Variants in ZSCAN4 observed in about 807,000 individuals in gnomAD.
ZSCAN4 encodes zinc finger and SCAN domain-containing protein 4.
Under a neutral mutation model 18.3 loss-of-function variants are expected in ZSCAN4, and 18 were observed. The observed-to-expected ratio is 0.98, with a 90% CI of 0.68 to 1.46. The LOEUF (loss-of-function observed/expected upper bound fraction) is 1.46, where lower values mean the gene tolerates loss of function less well. ZSCAN4 is among the 40% of genes most tolerant of loss of function. The pLI, the probability that ZSCAN4 is intolerant of heterozygous loss-of-function variation, is 0.00. For synonymous variants in ZSCAN4, 193 were observed against 180.3 expected (o/e 1.07, Z -0.57); for missense variants, 498 against 511.4 (o/e 0.97, Z 0.25).
At chr19:57,676,305 A>G (rs1374154489) in exon 3 of ZSCAN4, 1 of 1,614,208 alleles carries the variant, frequency 6.2e-7, no homozygotes, top group South Asian at 1.1e-5. Context: ...TCAAGACAGC[A>G]ATAATTCATA....
chr19:57,672,835 C>A (rs993680276), intron 2 of ZSCAN4, among the ~76,000 whole-genome samples: 2 of 152,056 alleles, frequency 1.3e-5, no homozygotes, highest in Non-Finnish European at 2.9e-5. Flanking sequence ...CTCCTGGCCT[C>A]AAGCGATATG....
upstream of ZSCAN4, among the ~76,000 whole-genome samples, chr19:57,665,861 G>A (rs372494392): frequency 5.3e-5 from 8 of 152,234 alleles, no homozygotes; most frequent in Admixed American, 3.3e-4. Context: ...GTGGTAAACC[G>A]AGATCGTGCC....
At chr19:57,674,244 G>A (rs1416771127) in intron 2 of ZSCAN4, among the ~76,000 whole-genome samples, 1 of 152,104 alleles carries the variant, frequency 6.6e-6, no homozygotes, top group African/African-American at 2.4e-5. Context: ...CATATTGGTG[G>A]AAATTGGACT....
chr19:57,663,273 A>C, the ZSCAN4 span, among the ~76,000 whole-genome samples: 2 of 151,942 alleles, frequency 1.3e-5, no homozygotes, highest in South Asian at 4.1e-4. Context: ...AATCACTTCT[A>C]TATTTCAACT....
chr19:57,661,080 A>C, the ZSCAN4 span, among the ~76,000 whole-genome samples: 3 of 152,176 alleles, frequency 2.0e-5, no homozygotes, highest in Non-Finnish European at 2.9e-5. Flanking sequence ...TTTCTCTTCC[A>C]AAAGTTTTCC....
chr19:57,673,465 G>C (rs1036060671), intron 2 of ZSCAN4, among the ~76,000 whole-genome samples: 1 of 152,010 alleles, frequency 6.6e-6, no homozygotes, highest in African/African-American at 2.4e-5. Context: ...ACCAAGTCTC[G>C]AAAAGAAAAT....
the ZSCAN4 span, among the ~76,000 whole-genome samples, chr19:57,655,538 C>T: frequency 6.6e-6 from 1 of 152,130 alleles, no homozygotes; most frequent in Non-Finnish European, 1.5e-5. Context: ...TGCTGCTGGC[C>T]TCAGAAGCTC....
chr19:57,653,691 G>A, the ZSCAN4 span, among the ~76,000 whole-genome samples: 3 of 152,212 alleles, frequency 2.0e-5, no homozygotes, highest in Admixed American at 2.0e-4. Context: ...GCTGGCAGAT[G>A]CCATACAACA....
chr19:57,659,796 T>C, the ZSCAN4 span, among the ~76,000 whole-genome samples: 14 of 152,188 alleles, frequency 9.2e-5, no homozygotes, highest in African/African-American at 3.4e-4. Flanking sequence ...TCCTTAGATC[T>C]TGCTGTCCTC....
chr19:57,659,100 C>T, the ZSCAN4 span, among the ~76,000 whole-genome samples: 1 of 152,058 alleles, frequency 6.6e-6, no homozygotes, highest in Non-Finnish European at 1.5e-5. Context: ...AAGTTCCTCG[C>T]CCCCTTAAAA....
chr19:57,658,535 A>G, the ZSCAN4 span, among the ~76,000 whole-genome samples: 1 of 152,228 alleles, frequency 6.6e-6, no homozygotes, highest in Non-Finnish European at 1.5e-5. Context: ...TCACGGCTCA[A>G]GAAGTAATAT....
the ZSCAN4 span, among the ~76,000 whole-genome samples, chr19:57,654,999 A>G: frequency 3.1e-4 from 47 of 152,202 alleles, no homozygotes; most frequent in African/African-American, 1.1e-3. Context: ...CATCCAACAC[A>G]TCATTCAGCT....
chr19:57,662,542 GAGA>G, the ZSCAN4 span, among the ~76,000 whole-genome samples: 1 of 151,944 alleles, frequency 6.6e-6, no homozygotes, highest in Non-Finnish European at 1.5e-5. Context: ...TTTTACCGCT[GAGA>G]GATTTGGTTT....
chr19:57,659,172 C>T, the ZSCAN4 span, among the ~76,000 whole-genome samples: 1 of 152,070 alleles, frequency 6.6e-6, no homozygotes, highest in Admixed American at 6.6e-5. Context: ...ACTGTTTCAC[C>T]CCATCCTTAC....
At chr19:57,671,841 G>A (rs1001947491) in intron 2 of ZSCAN4, among the ~76,000 whole-genome samples, 1 of 152,224 alleles carries the variant, frequency 6.6e-6, no homozygotes, top group Admixed American at 6.5e-5. Flanking sequence ...AATCAGACCA[G>A]ATGAGATTAA....
chr19:57,667,905 TG>T (rs1308621043), upstream of ZSCAN4, among the ~76,000 whole-genome samples: 13 of 151,876 alleles, frequency 8.6e-5, no homozygotes, highest in African/African-American at 3.1e-4. Context: ...TTTGTTTGTT[TG>T]TTTGTTTGTT....
At position 57,678,455 on chromosome 19, in the gene ZSCAN4, G is replaced by C. The variant is rs116138022; in HGVS notation, c.852G>C (p.Glu284Asp). 4.2e-3 allele frequency: 6,749 copies of C among 1,614,124 alleles called. 238 individuals carry two copies. In the African/African-American group the frequency reaches 0.076, roughly 18 times the overall value. The change falls in exon 5 of 5, where the codon GAG (glutamate) becomes GAC (aspartate). Residue 284 changes from glutamate (E) to aspartate (D), a missense_variant. Transcript: ENST00000318203. Reference sequence around the variant, plus strand: ...CTCAACCAGAGCAGTCCTCCCCTGAGTCTGCCCTTACCCACCAGAGCAATG... The same window carrying C: ...CTCAACCAGAGCAGTCCTCCCCTGACTCTGCCCTTACCCACCAGAGCAATG...
At chr19:57,673,176 G>A (rs12973350) in intron 2 of ZSCAN4, among the ~76,000 whole-genome samples, 1 of 151,804 alleles carries the variant, frequency 6.6e-6, no homozygotes, top group African/African-American at 2.4e-5. Flanking sequence ...AGCCTACCGA[G>A]TAGCTGGAAT....
At chr19:57,659,488 T>C in the ZSCAN4 span, among the ~76,000 whole-genome samples, 23,502 of 152,112 alleles carry the variant, frequency 0.15, 1,878 homozygotes, top group East Asian at 0.25. Context: ...TCAAAACTCT[T>C]GGGTTCAAAG....
Sources: gnomAD v4.1 joint callset for allele counts (sites outside exome capture counted in the v4.1 genomes callset) on GRCh38, gnomAD v4.1.1 for gene constraint, MANE v1.5 for transcripts, NCBI Gene and HGNC (gene_info 2026-07-23, HGNC 2026-07-21) for gene names.